The following ADAMTSL1 variants were observed in gnomAD, a reference collection of about 807,000 sequenced individuals.
ADAMTSL1 encodes the protein ADAMTS-like protein 1.
Under a neutral mutation model 201.8 loss-of-function variants are expected in ADAMTSL1, and 126 were observed. The observed-to-expected ratio is 0.62, with a 90% CI of 0.54 to 0.72. The LOEUF (loss-of-function observed/expected upper bound fraction) is 0.72, where lower values mean the gene tolerates loss of function less well. ADAMTSL1 is among the 30% of genes least tolerant of loss of function. The pLI, the probability that ADAMTSL1 is intolerant of heterozygous loss-of-function variation, is 0.00. For synonymous variants in ADAMTSL1, 1,121 were observed against 903.4 expected (o/e 1.24, Z -4.32); for missense variants, 2,679 against 2,277.8 (o/e 1.18, Z -3.59).
chr9:18,107,939 T>G (rs896702878), intron 1 of ADAMTSL1, among the ~76,000 whole-genome samples: 1 of 152,104 alleles, frequency 6.6e-6, no homozygotes, highest in African/African-American at 2.4e-5. Context: ...GCCAAACCAC[T>G]GCCGATTTCT....
At chr9:18,792,126 A>T (rs1822101624) in intron 19 of ADAMTSL1, among the ~76,000 whole-genome samples, 1 of 152,156 alleles carries the variant, frequency 6.6e-6, no homozygotes, top group African/African-American at 2.4e-5. Flanking sequence ...CCTAGGGGAA[A>T]CTGGCCAATA....
intron 1 of ADAMTSL1, among the ~76,000 whole-genome samples, chr9:18,021,695 T>C (rs1687549662): frequency 2.0e-5 from 3 of 152,212 alleles, no homozygotes; most frequent in Admixed American, 2.0e-4. Context: ...AGGAGATAGA[T>C]ATCTCTTAAT....
intron 3 of ADAMTSL1, among the ~76,000 whole-genome samples, chr9:18,566,090 C>G (rs1268357818): frequency 6.6e-6 from 1 of 152,140 alleles, no homozygotes; most frequent in Admixed American, 6.5e-5. Context: ...ACTCCCTAAC[C>G]AACTTTCCTA....
At chr9:18,490,885 GA>G (rs1822239354) in intron 1 of ADAMTSL1, among the ~76,000 whole-genome samples, 1 of 152,140 alleles carries the variant, frequency 6.6e-6, no homozygotes, top group African/African-American at 2.4e-5. Context: ...GAGTATTGGG[GA>G]AGTGGGTGCA....
intron 15 of ADAMTSL1, among the ~76,000 whole-genome samples, chr9:18,728,938 C>T (rs1387718377): frequency 6.6e-6 from 1 of 152,198 alleles, no homozygotes; most frequent in African/African-American, 2.4e-5. Flanking sequence ...AGTCTGGCTG[C>T]TCATCCAAGA....
chr9:18,039,695 A>G (rs1286450003), intron 1 of ADAMTSL1, among the ~76,000 whole-genome samples: 1 of 152,198 alleles, frequency 6.6e-6, no homozygotes, highest in Non-Finnish European at 1.5e-5. Flanking sequence ...GCACACGTAG[A>G]TACAGAGGCA....
intron 2 of ADAMTSL1, among the ~76,000 whole-genome samples, chr9:18,241,627 C>T (rs142506637): frequency 1.3e-5 from 2 of 151,790 alleles, no homozygotes; most frequent in Non-Finnish European, 2.9e-5. Flanking sequence ...AAATGACAAA[C>T]CTTAGCTAGT....
intron 1 of ADAMTSL1, among the ~76,000 whole-genome samples, chr9:18,154,250 G>T (rs538567835): frequency 6.6e-6 from 1 of 151,966 alleles, no homozygotes; most frequent in East Asian, 1.9e-4. Flanking sequence ...CAACCCAAAC[G>T]TAGTGGTTTA....
At chr9:18,052,453 G>A (rs1821981031) in intron 1 of ADAMTSL1, among the ~76,000 whole-genome samples, 1 of 152,184 alleles carries the variant, frequency 6.6e-6, no homozygotes, top group South Asian at 2.1e-4. Flanking sequence ...GAAGGTTCTA[G>A]GCAGAGAAAC....
chr9:18,662,474 G>C (rs1486071850), intron 9 of ADAMTSL1, among the ~76,000 whole-genome samples: 1 of 152,166 alleles, frequency 6.6e-6, no homozygotes, highest in Non-Finnish European at 1.5e-5. Flanking sequence ...TCAGGGACAA[G>C]ATCAGAGCAG....
At chr9:18,609,924 A>G (rs1478637071) in intron 4 of ADAMTSL1, among the ~76,000 whole-genome samples, 1 of 152,204 alleles carries the variant, frequency 6.6e-6, no homozygotes, top group Non-Finnish European at 1.5e-5. Context: ...TCACAAGAGA[A>G]CTGAACTCGT....
In ADAMTSL1 at chr9:18,661,864, C is replaced by A. The variant is rs1007201693; in HGVS notation, c.947-71C>A. On this transcript the variant is annotated intron_variant, in intron 8 of 28. Transcript: ENST00000380548. ...AATAATTTCCATTGATGTGAGCTGGCCAAAATGCATAAAGAAATATATTGC... is the reference window on the plus strand; with the variant it reads ...AATAATTTCCATTGATGTGAGCTGGACAAAATGCATAAAGAAATATATTGC... The A allele has an allele frequency of 8.0e-6, 12 of 1,492,344 alleles. No individual in the cohort carries two copies. The South Asian group carries it at 1.2e-4, about 15-fold the overall frequency. The allele number at this position is 1,492,344 out of a possible 1,614,324, so 92.4% of individuals were successfully genotyped here.
rs143844151 is a variant in ADAMTSL1, at chr9:18,531,447, T to G, written c.192-1800T>G. On this transcript the variant is annotated intron_variant, in intron 2 of 28. Coordinates refer to ENST00000380548, the MANE Select transcript of ADAMTSL1 (RefSeq NM_001040272.6). Reference sequence around the variant, plus strand: ...TCTAGGACATTGCTGGACTGGACACTGACACACATGTGTCTTTGTCATGCT... The same window carrying G: ...TCTAGGACATTGCTGGACTGGACACGGACACACATGTGTCTTTGTCATGCT... Among the ~76,000 whole-genome samples the G allele has an allele frequency of 3.5e-4, 54 of 152,350 alleles. No homozygotes were observed. In the East Asian group the frequency reaches 9.3e-3, roughly 26 times the overall value.
intron 9 of ADAMTSL1, among the ~76,000 whole-genome samples, chr9:18,664,093 T>C (rs1044573304): frequency 6.6e-6 from 1 of 152,068 alleles, no homozygotes; most frequent in Admixed American, 6.6e-5. Context: ...GAAGCTGCTT[T>C]TTTTTATTGA....
intron 1 of ADAMTSL1, among the ~76,000 whole-genome samples, chr9:18,140,161 G>C (rs1042663098): frequency 6.6e-6 from 1 of 152,010 alleles, no homozygotes; most frequent in African/African-American, 2.4e-5. Context: ...CCCATAATAG[G>C]GAAGTTAGAC....
At chr9:17,967,526 C>A (rs916748178) in intron 1 of ADAMTSL1, among the ~76,000 whole-genome samples, 3 of 152,116 alleles carry the variant, frequency 2.0e-5, no homozygotes, top group Non-Finnish European at 4.4e-5. Flanking sequence ...ACTCTCAAAG[C>A]AGTTGTGTAA....
At chr9:18,380,950 C>T (rs894553361) in intron 2 of ADAMTSL1, among the ~76,000 whole-genome samples, 2 of 152,192 alleles carry the variant, frequency 1.3e-5, no homozygotes, top group African/African-American at 4.8e-5. Context: ...CCCGATTGGT[C>T]TTGATGGAAA....
chr9:18,187,231 C>G (rs1269749364), intron 2 of ADAMTSL1, among the ~76,000 whole-genome samples: 1 of 152,130 alleles, frequency 6.6e-6, no homozygotes, highest in African/African-American at 2.4e-5. Context: ...TTTCTAGTAA[C>G]TACTCTCCAT....
At chr9:18,152,997 A>G (rs1274664971) in intron 1 of ADAMTSL1, among the ~76,000 whole-genome samples, 3 of 152,020 alleles carry the variant, frequency 2.0e-5, no homozygotes, top group African/African-American at 7.2e-5. Flanking sequence ...AAAGTTTGGC[A>G]TCTAGAAATT....
Sources: gnomAD v4.1 joint callset for allele counts (sites outside exome capture counted in the v4.1 genomes callset) on GRCh38, gnomAD v4.1.1 for gene constraint, MANE v1.5 for transcripts, NCBI Gene and HGNC (gene_info 2026-07-23, HGNC 2026-07-21) for gene names.